Variants in ZNF90 observed in about 807,000 individuals in gnomAD.
The protein encoded by ZNF90 is zinc finger protein 90.
A neutral mutation model predicts 12.0 loss-of-function variants in ZNF90; 11 were observed. The ratio of observed to expected loss-of-function variants is 0.92; its 90% CI spans 0.58 to 1.52. ZNF90 has a LOEUF of 1.52. Ranked by LOEUF, ZNF90 falls within the 40% of genes most tolerant of loss-of-function variation. The probability of loss-of-function intolerance (pLI) is 0.00; values close to 1 mark genes in which losing one functional copy is unlikely to be tolerated. For missense variants in ZNF90, 765 were observed against 711.5 expected (o/e 1.08, Z -0.86); for synonymous variants, 232 against 240.1 (o/e 0.97, Z 0.31).
At chr19:20,082,492 C>A (rs114118411) in intron 1 of ZNF90, among the ~76,000 whole-genome samples, 13 of 152,336 alleles carry the variant, frequency 8.5e-5, no homozygotes, top group African/African-American at 2.4e-4. Flanking sequence ...CTTGCAGGAA[C>A]ATGTGCTGTG....
In ZNF90 at chr19:20,120,385, A is replaced by T. The variant is rs1555706426; in HGVS notation, c.*1025A>T. Among the ~76,000 whole-genome samples the T allele has an allele frequency of 6.6e-6, 1 of 152,210 alleles. No individual in the cohort carries two copies. The highest frequency in any genetic ancestry group is 2.4e-5 in the African/African-American group (1 of 41,458). The stretch of plus-strand genomic sequence containing the variant: ...ATATAAAGGGGGTTGTATTACCTTT[A>T]CTTGCATCACAGATTTCATTGCACA... On this transcript the variant is annotated 3_prime_UTR_variant, in exon 4 of 4. Transcript: ENST00000418063.
chr19:20,107,785 A>G (rs1371581926), intron 3 of ZNF90, among the ~76,000 whole-genome samples: 1 of 152,206 alleles, frequency 6.6e-6, no homozygotes, highest in Non-Finnish European at 1.5e-5. Context: ...ATTTAGGACA[A>G]TATGCCAGAA....
In ZNF90 at chr19:20,119,400, C is replaced by G; in HGVS notation, c.*40C>G. On this transcript the variant is annotated 3_prime_UTR_variant, in exon 4 of 4. Coordinates refer to ENST00000418063, the MANE Select transcript of ZNF90 (RefSeq NM_007138.2). ...CTTAATAAACATAAGATAATTCATA[C>G]TGGAGAGAAACCGTATAAATGTGAT... The G allele has an allele frequency of 6.6e-7, 1 of 1,512,284 alleles. No homozygotes were observed. The allele number at this position is 1,512,284 out of a possible 1,614,324, so 93.7% of individuals were successfully genotyped here.
At chr19:20,089,591 G>C (rs1555702518) in intron 1 of ZNF90, among the ~76,000 whole-genome samples, 1 of 152,162 alleles carries the variant, frequency 6.6e-6, no homozygotes, top group Non-Finnish European at 1.5e-5. Context: ...AATTTGTGTT[G>C]TGAGAGGTCC....
At position 20,096,506 on chromosome 19, in the gene ZNF90, GGTTT is replaced by G. The variant is rs2088947469; in HGVS notation, c.4-7729_4-7726del. On this transcript the variant is annotated intron_variant, in intron 1 of 3. Coordinates refer to ENST00000418063, the MANE Select transcript of ZNF90 (RefSeq NM_007138.2). The stretch of plus-strand genomic sequence containing the variant: ...GTAAAGGAAAATTACAGTCAAAGGG[GGTTT>G]GTTCTCTGGTGGGCAGGAGTGGGGG... Among the ~76,000 whole-genome samples, 3 of 152,178 alleles carry G rather than the reference GGTTT, an allele frequency of 2.0e-5. No homozygotes were observed. The South Asian group carries it at 6.2e-4, about 32-fold the overall frequency.
chr19:20,087,623 GTGAGCTGTGCTC>G (rs1366826614), intron 1 of ZNF90: 1 of 152,312 alleles, frequency 6.6e-6, no homozygotes, highest in Non-Finnish European at 1.5e-5. Flanking sequence ...CACACAAAAG[GTGAGCTGTGCTC>G]TGGGCTGTGC....
rs954628537 is a variant in ZNF90, at chr19:20,117,711, G to T, written c.227-70G>T. ...TTTTGCCCAAGATGAGGTTAATTTTGTTTGTAAATGTAACCTGTATTTATC... is the reference window on the plus strand; with the variant it reads ...TTTTGCCCAAGATGAGGTTAATTTTTTTTGTAAATGTAACCTGTATTTATC... On this transcript the variant is annotated intron_variant, in intron 3 of 3. Transcript: ENST00000418063. 6 of 1,422,768 alleles carry T rather than the reference G, an allele frequency of 4.2e-6. No homozygotes were observed. In the African/African-American group the frequency reaches 8.7e-5, roughly 21 times the overall value. The allele number at this position is 1,422,768 out of a possible 1,614,324, so 88.1% of individuals were successfully genotyped here.
chr19:20,108,024 A>T (rs1295664455), intron 3 of ZNF90, among the ~76,000 whole-genome samples: 1 of 152,138 alleles, frequency 6.6e-6, no homozygotes, highest in Non-Finnish European at 1.5e-5. Flanking sequence ...AAAAAAATAT[A>T]TATTTTTTCT....
Position 20,100,330 on chromosome 19 carries a change from A to G in ZNF90, c.4-3909A>G, listed in dbSNP as rs559982052. Among the ~76,000 whole-genome samples, 7 of 152,344 alleles carry G rather than the reference A, an allele frequency of 4.6e-5. No homozygotes were observed. In the East Asian group the frequency reaches 1.2e-3, roughly 25 times the overall value. ...TACTGGACCAAGCCTTTTCAAAACTATCAAGCAGATAGTCAGGGCCTGTAA... is the reference window on the plus strand; with the variant it reads ...TACTGGACCAAGCCTTTTCAAAACTGTCAAGCAGATAGTCAGGGCCTGTAA... On this transcript the variant is annotated intron_variant, in intron 1 of 3. Coordinates refer to ENST00000418063, the MANE Select transcript of ZNF90 (RefSeq NM_007138.2).
rs2089025479 is a variant in ZNF90, at chr19:20,105,258, G to A, written c.168G>A (p.Leu56=). The stretch of plus-strand genomic sequence containing the variant: ...CTAAGCCAGACCTGATCACCTGTCT[G>A]GAGCAAGGAAAAAAACCCTTCACTG... ...VVTKPDLITC[L]EQGKKPFTVK... Residue 56 remains leucine, a synonymous_variant, in exon 3 of 4, where the codon CTG becomes CTA. Transcript: ENST00000418063. The A allele has an allele frequency of 6.2e-7, 1 of 1,607,508 alleles. No homozygotes were observed. The highest frequency in any genetic ancestry group is 8.5e-7 in the Non-Finnish European group (1 of 1,176,820).
At chr19:20,086,581 A>G (rs1354469083) in intron 1 of ZNF90, among the ~76,000 whole-genome samples, 4 of 152,122 alleles carry the variant, frequency 2.6e-5, no homozygotes, top group African/African-American at 9.7e-5. Flanking sequence ...CTTTGAATTA[A>G]TCACTTAAAT....
intron 1 of ZNF90, among the ~76,000 whole-genome samples, chr19:20,100,663 C>CAGCATTTGGGTTTT (rs2088982078): frequency 6.6e-6 from 1 of 152,182 alleles, no homozygotes; most frequent in Non-Finnish European, 1.5e-5. Context: ...ACCTCCCCAA[C>CAGCATTTGGGTTTT]AGCATTTGGG....
At chr19:20,078,471 G>C (rs1251365196) in intron 1 of ZNF90, among the ~76,000 whole-genome samples, 1 of 152,074 alleles carries the variant, frequency 6.6e-6, no homozygotes, top group Non-Finnish European at 1.5e-5. Flanking sequence ...TGAATGGGAA[G>C]AGCTTTGGTC....
intron 3 of ZNF90, among the ~76,000 whole-genome samples, chr19:20,114,852 TATA>T (rs1416221399): frequency 3.9e-5 from 6 of 152,028 alleles, no homozygotes; most frequent in South Asian, 2.1e-4. Context: ...GTTTTATTAT[TATA>T]ACAGAAAATG....
chr19:20,099,707 C>A (rs1483401447), intron 1 of ZNF90, among the ~76,000 whole-genome samples: 3 of 152,112 alleles, frequency 2.0e-5, no homozygotes, highest in African/African-American at 4.8e-5. Flanking sequence ...TCTAATTATG[C>A]CTGAAAGCCC....
At position 20,106,137 on chromosome 19, in the gene ZNF90, A is replaced by G. The variant is rs368028084; in HGVS notation, c.226+821A>G. On this transcript the variant is annotated intron_variant, in intron 3 of 3. Coordinates refer to ENST00000418063, the MANE Select transcript of ZNF90 (RefSeq NM_007138.2). ...TTTATTCAATGCTATAGTAAATAAG[A>G]TTTTTTCTTTTTATTTTATGAGAGT... Among the ~76,000 whole-genome samples, 3 of 138,320 alleles carry G rather than the reference A, an allele frequency of 2.2e-5. No individual in the cohort carries two copies. The East Asian group carries it at 6.3e-4, about 29-fold the overall frequency. The allele number at this position is 138,320 out of a possible 152,430, so 90.7% of individuals were successfully genotyped here. A position where few individuals can be genotyped will look rare whatever the true frequency, so the allele number is the denominator to read the frequency against.
intron 2 of ZNF90, among the ~76,000 whole-genome samples, chr19:20,104,635 C>T (rs577631583): frequency 1.3e-5 from 2 of 152,250 alleles, no homozygotes; most frequent in East Asian, 3.9e-4. Flanking sequence ...TTGTTACCTC[C>T]ACCTGAAAAT....
At chr19:20,100,613 C>G (rs181556919) in intron 1 of ZNF90, among the ~76,000 whole-genome samples, 1 of 152,086 alleles carries the variant, frequency 6.6e-6, no homozygotes, top group Non-Finnish European at 1.5e-5. Context: ...CCTACTACAC[C>G]GCAATTCAGC....
chr19:20,088,381 G>A (rs1265434924), intron 1 of ZNF90, among the ~76,000 whole-genome samples: 1 of 152,044 alleles, frequency 6.6e-6, no homozygotes, highest in Admixed American at 6.6e-5. Flanking sequence ...GATTGGTGAT[G>A]GCCTGGATAC....
Sources: gnomAD v4.1 joint callset for allele counts (sites outside exome capture counted in the v4.1 genomes callset) on GRCh38, gnomAD v4.1.1 for gene constraint, MANE v1.5 for transcripts, NCBI Gene and HGNC (gene_info 2026-07-23, HGNC 2026-07-21) for gene names.